RABGAP1: variants seen among roughly 807,000 people sequenced by gnomAD.
RABGAP1 encodes the protein RAB GTPase activating protein 1.
Under a neutral mutation model 137.6 loss-of-function variants are expected in RABGAP1, and 23 were observed. The observed-to-expected ratio is 0.17, with a 90% CI of 0.12 to 0.24. The LOEUF is 0.24. RABGAP1 is among the 10% of genes least tolerant of loss of function. The probability of loss-of-function intolerance (pLI) is 1.00; values close to 1 mark genes in which losing one functional copy is unlikely to be tolerated. For missense variants in RABGAP1, 906 were observed against 1,275.8 expected (o/e 0.71, Z 4.42); for synonymous variants, 451 against 450.7 (o/e 1.00, Z -0.01).
intron 2 of RABGAP1, among the ~76,000 whole-genome samples, chr9:122,965,546 G>A (rs190010829): frequency 6.6e-6 from 1 of 152,188 alleles, no homozygotes; most frequent in African/African-American, 2.4e-5. Flanking sequence ...ACCATGCTTG[G>A]CTACTTTTTG....
intron 6 of RABGAP1, chr9:122,990,793 A>AAT (rs1836663364): frequency 1.9e-5 from 1 of 52,240 alleles, no homozygotes; most frequent in African/African-American, 7.6e-5. Flanking sequence ...AAAAAAAAAA[A>AAT]AAAATATATA....
At chr9:122,982,077 A>C (rs893687058) in intron 2 of RABGAP1, among the ~76,000 whole-genome samples, 1 of 152,022 alleles carries the variant, frequency 6.6e-6, no homozygotes, top group African/African-American at 2.4e-5. Flanking sequence ...TATGTGTACT[A>C]TACTGTCACA....
At chr9:122,996,868 A>G in intron 8 of RABGAP1, 1 of 450,610 alleles carries the variant, frequency 2.2e-6, no homozygotes. Context: ...GTGATAATCA[A>G]AAGAGAAAAT....
chr9:122,989,427 G>C lies in RABGAP1; in HGVS notation c.721G>C (p.Glu241Gln). The C allele has an allele frequency of 3.1e-6, 5 of 1,614,066 alleles. No individual in the cohort carries two copies. The highest frequency in any genetic ancestry group is 3.4e-6 in the Non-Finnish European group (4 of 1,180,014). Residue 241 changes from glutamate to glutamine, a missense_variant, in exon 5 of 26, where the codon GAG (glutamate) becomes CAG (glutamine). Glu to Gln is a conservative substitution (Grantham distance 29). Transcript: ENST00000373647. ...FAFTESHYNA[E>Q]LFRIHVFRCE... Reference sequence around the variant, plus strand: ...TTTCACTGAAAGTCATTACAATGCAGAGCTCTTCAGAATACACGTCTTCCG... The same window carrying C: ...TTTCACTGAAAGTCATTACAATGCACAGCTCTTCAGAATACACGTCTTCCG...
intron 19 of RABGAP1, among the ~76,000 whole-genome samples, chr9:123,083,779 C>G (rs564388007): frequency 6.6e-6 from 1 of 152,178 alleles, no homozygotes; most frequent in African/African-American, 2.4e-5. Flanking sequence ...AGGTTAACAT[C>G]GCAGGGTTGT....
intron 1 of RABGAP1, among the ~76,000 whole-genome samples, chr9:122,950,444 A>G (rs1834184812): frequency 7.9e-6 from 1 of 126,734 alleles, no homozygotes; most frequent in Non-Finnish European, 1.5e-5. Context: ...TAGAGAATCT[A>G]GAAAGAAGAA....
chr9:122,979,091 T>A (rs1000421720), intron 2 of RABGAP1, among the ~76,000 whole-genome samples: 1 of 151,878 alleles, frequency 6.6e-6, no homozygotes, highest in African/African-American at 2.4e-5. Context: ...AGAGTCGGGG[T>A]CTCACCATGT....
intron 2 of RABGAP1, among the ~76,000 whole-genome samples, chr9:122,961,389 CA>C (rs1022393832): frequency 2.0e-5 from 3 of 151,972 alleles, no homozygotes; most frequent in Non-Finnish European, 4.4e-5. Context: ...GCACTTAAAC[CA>C]AAAAAACTGT....
chr9:122,969,515 G>T lies in RABGAP1; in HGVS notation c.150+12306G>T, dbSNP rs749263531. Among the ~76,000 whole-genome samples, 30 of 152,130 alleles carry T rather than the reference G, an allele frequency of 2.0e-4. 1 individual carries two copies. The highest frequency in any genetic ancestry group is 3.3e-4 in the Admixed American group (5 of 15,274). ...CTGGAATTGAGGAATTATTCAAATTGTTAAATCTTTAAGGTCTGTCATCAG... is the reference window on the plus strand; with the variant it reads ...CTGGAATTGAGGAATTATTCAAATTTTTAAATCTTTAAGGTCTGTCATCAG... On this transcript the variant is annotated intron_variant, in intron 2 of 25. Transcript: ENST00000373647.
intron 5 of RABGAP1, chr9:122,989,677 AGAG>A (rs1836560537): frequency 1.7e-6 from 1 of 604,414 alleles, no homozygotes; most frequent in Admixed American, 3.0e-5. Flanking sequence ...TAAGAATGTC[AGAG>A]GAGATCTGTT....
At chr9:122,934,172 G>T in the RABGAP1 span, among the ~76,000 whole-genome samples, 1 of 151,320 alleles carries the variant, frequency 6.6e-6, no homozygotes, top group African/African-American at 2.4e-5. Context: ...CCGCCTCCCG[G>T]GTTCACGCCA....
Position 123,056,245 on chromosome 9 carries a change from T to C in RABGAP1, c.1795-9103T>C, listed in dbSNP as rs192302732. ...TTAAATGTTGACAGCAAATCATGTATTGCAGTTAGAATAGGATGGAGTCAA... is the reference window on the plus strand; with the variant it reads ...TTAAATGTTGACAGCAAATCATGTACTGCAGTTAGAATAGGATGGAGTCAA... On this transcript the variant is annotated intron_variant, in intron 13 of 25. Coordinates refer to ENST00000373647, the MANE Select transcript of RABGAP1 (RefSeq NM_012197.4). Among the ~76,000 whole-genome samples the C allele has an allele frequency of 2.5e-3, 385 of 152,358 alleles. 1 individual carries two copies. Among genetic ancestry groups the C allele is most frequent in the African/African-American group, 8.5e-3 (352 of 41,588 alleles).
chr9:123,087,404 T>G (rs2034901890), intron 19 of RABGAP1, among the ~76,000 whole-genome samples: 1 of 152,212 alleles, frequency 6.6e-6, no homozygotes, highest in African/African-American at 2.4e-5. Context: ...TCTCATTTAT[T>G]CAGAATGCAA....
intron 18 of RABGAP1, 135 bp downstream of exon 18, chr9:123,076,421 G>C: frequency 8.5e-7 from 1 of 1,177,560 alleles, no homozygotes; most frequent in Non-Finnish European, 1.2e-6. Flanking sequence ...AGGTGGCTCT[G>C]ACAAAAGCGA....
At chr9:123,002,182 T>C (rs1348396984) in intron 10 of RABGAP1, among the ~76,000 whole-genome samples, 1 of 151,800 alleles carries the variant, frequency 6.6e-6, no homozygotes, top group East Asian at 1.9e-4. Flanking sequence ...ATGCCTGTAA[T>C]CCCAGCTACT....
Position 122,998,697 on chromosome 9 carries a change from T to C in RABGAP1, c.1305T>C (p.Pro435=). The change falls in exon 10 of 26, where the codon CCT becomes CCC. Residue 435 remains proline (P), a synonymous_variant. Transcript: ENST00000373647. ...AGACAAAAGTCCGCGTTTGCTCACC[T>C]AATGAAAGATTATTCTGGCCCTTCA... ...LLETKVRVCS[P]NERLFWPFSK... 1 of 1,612,812 alleles carries C rather than the reference T, an allele frequency of 6.2e-7. No individual in the cohort carries two copies. The highest frequency in any genetic ancestry group is 8.5e-7 in the Non-Finnish European group (1 of 1,178,892).
chr9:123,000,105 C>T (rs911808338), intron 10 of RABGAP1, among the ~76,000 whole-genome samples: 6 of 152,000 alleles, frequency 3.9e-5, no homozygotes, highest in African/African-American at 1.2e-4. Flanking sequence ...ACAGTACAGC[C>T]ACTTTAGAAT....
In RABGAP1 at chr9:122,996,446, C is replaced by T; in HGVS notation, c.1035-93C>T. 5 of 1,263,286 alleles carry T rather than the reference C, an allele frequency of 4.0e-6. No homozygotes were observed. The Middle Eastern group carries it at 7.4e-4, about 186-fold the overall frequency. The allele number at this position is 1,263,286 out of a possible 1,614,324, so 78.3% of individuals were successfully genotyped here. On this transcript the variant is annotated intron_variant, in intron 7 of 25. Coordinates refer to ENST00000373647, the MANE Select transcript of RABGAP1 (RefSeq NM_012197.4). ...TGATAACTCTAATGTGTTCTCTTTT[C>T]TATCAGCAAGAATTTGTTTTTAAAG...
chr9:123,065,723 T>G (rs2034147983), intron 14 of RABGAP1: 3 of 402,652 alleles, frequency 7.5e-6, no homozygotes, highest in East Asian at 1.2e-4. Context: ...ACATTTAGAC[T>G]TTCAAAATTT....
Sources: allele counts gnomAD v4.1 joint callset (sites outside exome capture counted in the v4.1 genomes callset), GRCh38; gene constraint gnomAD v4.1.1; transcripts MANE v1.5; gene names NCBI Gene and HGNC (gene_info 2026-07-23, HGNC 2026-07-21).